Variants in SLC9A2 observed in about 807,000 individuals in gnomAD.
SLC9A2 encodes the protein solute carrier family 9 member A2.
A neutral mutation model predicts 71.7 loss-of-function variants in SLC9A2; 42 were observed. That is an observed-to-expected ratio of 0.59 (90% CI 0.46 to 0.76). The LOEUF is 0.76. SLC9A2 is among the 30% of genes least tolerant of loss of function. The probability of loss-of-function intolerance (pLI) is 0.00; values close to 1 mark genes in which losing one functional copy is unlikely to be tolerated. For synonymous variants in SLC9A2, 396 were observed against 392.5 expected (o/e 1.01, Z -0.10); for missense variants, 829 against 1,017.4 (o/e 0.81, Z 2.52).
At chr2:102,658,964 C>T (rs191782207) in intron 2 of SLC9A2, among the ~76,000 whole-genome samples, 1 of 152,214 alleles carries the variant, frequency 6.6e-6, no homozygotes, top group African/African-American at 2.4e-5. Context: ...TGAATGCTCA[C>T]TTTGTGCTCA....
intron 3 of SLC9A2, among the ~76,000 whole-genome samples, chr2:102,668,042 C>G (rs1460268933): frequency 1.3e-5 from 2 of 151,884 alleles, no homozygotes; most frequent in Admixed American, 6.6e-5. Flanking sequence ...CCACTGCCCT[C>G]CAGCCCAGAC....
chr2:102,628,999 CTATT>C (rs1279567333), intron 1 of SLC9A2, among the ~76,000 whole-genome samples: 5 of 152,002 alleles, frequency 3.3e-5, no homozygotes, highest in African/African-American at 4.8e-5. Flanking sequence ...TGTGTATTCT[CTATT>C]TATTGTGTAC....
chr2:102,638,851 A>T (rs1347881974), intron 1 of SLC9A2, among the ~76,000 whole-genome samples: 1 of 152,234 alleles, frequency 6.6e-6, no homozygotes, highest in African/African-American at 2.4e-5. Context: ...CAAAATAAAA[A>T]CTTTTAAAAC....
Position 102,661,774 on chromosome 2 carries a change from A to C in SLC9A2, c.754-3326A>C, listed in dbSNP as rs559143106. Reference sequence around the variant, plus strand: ...AGTACATAGGTATCACTGACATTTTAATCTAAGGATAAAGTGTCAAGGGGA... The same window carrying C: ...AGTACATAGGTATCACTGACATTTTCATCTAAGGATAAAGTGTCAAGGGGA... On this transcript the variant is annotated intron_variant, in intron 2 of 11. Transcript: ENST00000233969. 1.6e-4 allele frequency among the ~76,000 whole-genome samples: 24 copies of C among 152,346 alleles called. No homozygotes were observed. In the South Asian group the frequency reaches 4.8e-3, roughly 30 times the overall value.
intron 1 of SLC9A2, among the ~76,000 whole-genome samples, chr2:102,645,182 A>G (rs1243868984): frequency 2.0e-5 from 3 of 152,154 alleles, no homozygotes; most frequent in Non-Finnish European, 2.9e-5. Flanking sequence ...CCTCCAGCAA[A>G]CTCCAACAGA....
intron 1 of SLC9A2, among the ~76,000 whole-genome samples, chr2:102,648,569 T>C (rs1380547064): frequency 1.3e-5 from 2 of 152,184 alleles, no homozygotes; most frequent in Non-Finnish European, 2.9e-5. Context: ...TGTTTGCAGA[T>C]GACATGATTG....
chr2:102,694,989 A>C (rs1677727557), intron 6 of SLC9A2, 54 bp from the exon 7 acceptor site: 2 of 1,468,456 alleles, frequency 1.4e-6, no homozygotes, highest in Admixed American at 1.7e-5. Flanking sequence ...AGTAGAGTGA[A>C]AATTATTGAT....
Position 102,705,894 on chromosome 2 carries a change from C to T in SLC9A2, c.2026C>T (p.Leu676Phe). Residue 676 changes from leucine to phenylalanine, a missense_variant, in exon 11 of 12, where the codon CTT (leucine) becomes TTT (phenylalanine). Coordinates refer to ENST00000233969, the MANE Select transcript of SLC9A2 (RefSeq NM_003048.6). Reference sequence around the variant, plus strand: ...TTTATCCTTACCTAAAAATACGAAGCTTCCAGAAAAGCTACAAAAGAGGAG... The same window carrying T: ...TTTATCCTTACCTAAAAATACGAAGTTTCCAGAAAAGCTACAAAAGAGGAG... ...RYLSLPKNTKLPEKLQKRRTI... is the reference protein window; with the variant it reads ...RYLSLPKNTKFPEKLQKRRTI... 1 of 1,606,804 alleles carries T rather than the reference C, an allele frequency of 6.2e-7. No homozygotes were observed. Among genetic ancestry groups the T allele is most frequent in the Non-Finnish European group, 8.5e-7 (1 of 1,176,720 alleles).
chr2:102,708,517 T>G lies in SLC9A2; in HGVS notation c.*28T>G. ...GAAGCAGCGAAAGCAGATCTGAGTGTCTGACCCAGGACAGCTGTGGTTTGT... is the reference window on the plus strand; with the variant it reads ...GAAGCAGCGAAAGCAGATCTGAGTGGCTGACCCAGGACAGCTGTGGTTTGT... On this transcript the variant is annotated 3_prime_UTR_variant, in exon 12 of 12. Transcript: ENST00000233969. 2 of 1,599,938 alleles carry G rather than the reference T, an allele frequency of 1.3e-6. No individual in the cohort carries two copies. Among genetic ancestry groups the G allele is most frequent in the Non-Finnish European group, 1.7e-6 (2 of 1,172,716 alleles).
chr2:102,662,104 C>G (rs1677060941), intron 2 of SLC9A2, among the ~76,000 whole-genome samples: 1 of 152,172 alleles, frequency 6.6e-6, no homozygotes, highest in South Asian at 2.1e-4. Context: ...AGCTCTGACA[C>G]TGCCGTGGCA....
chr2:102,649,154 C>G (rs918292930), intron 1 of SLC9A2, among the ~76,000 whole-genome samples: 1 of 152,120 alleles, frequency 6.6e-6, no homozygotes, highest in Non-Finnish European at 1.5e-5. Flanking sequence ...GAACAGAGGC[C>G]TCAGAAATAA....
intron 3 of SLC9A2, among the ~76,000 whole-genome samples, chr2:102,676,887 A>G (rs1677354832): frequency 6.6e-6 from 1 of 152,264 alleles, no homozygotes; most frequent in Non-Finnish European, 1.5e-5. Flanking sequence ...CAAAGCCTTA[A>G]TTGAGAATAT....
chr2:102,682,399 G>A (rs1677470340), intron 3 of SLC9A2, among the ~76,000 whole-genome samples: 1 of 152,188 alleles, frequency 6.6e-6, no homozygotes, highest in South Asian at 2.1e-4. Context: ...GAGGCACATG[G>A]TGTGTGCCGG....
intron 7 of SLC9A2, among the ~76,000 whole-genome samples, chr2:102,695,921 G>A (rs1213484152): frequency 1.3e-5 from 2 of 150,394 alleles, no homozygotes; most frequent in Non-Finnish European, 2.9e-5. Flanking sequence ...GCTCTGTGTT[G>A]GATAAATACA....
At chr2:102,691,209 G>A (rs1677655300) in intron 5 of SLC9A2, among the ~76,000 whole-genome samples, 1 of 152,176 alleles carries the variant, frequency 6.6e-6, no homozygotes, top group African/African-American at 2.4e-5. Flanking sequence ...TAGTATGTAT[G>A]CCAAAGTGAA....
intron 1 of SLC9A2, among the ~76,000 whole-genome samples, chr2:102,637,933 C>T (rs188912019): frequency 5.3e-5 from 8 of 152,348 alleles, no homozygotes; most frequent in South Asian, 2.1e-4. Context: ...GGAGGGGTTA[C>T]GGGGAGCAAG....
chr2:102,634,106 C>G (rs1676424329), intron 1 of SLC9A2, among the ~76,000 whole-genome samples: 1 of 151,920 alleles, frequency 6.6e-6, no homozygotes, highest in Non-Finnish European at 1.5e-5. Flanking sequence ...TGGAGAAACT[C>G]TTTTTTTTCA....
At chr2:102,690,584 A>G (rs2104545422) in intron 5 of SLC9A2, among the ~76,000 whole-genome samples, 1 of 152,292 alleles carries the variant, frequency 6.6e-6, no homozygotes, top group East Asian at 1.9e-4. Flanking sequence ...AAGCTGGAGT[A>G]TAGGGGAGAG....
intron 2 of SLC9A2, among the ~76,000 whole-genome samples, chr2:102,658,853 T>C (rs905359482): frequency 6.6e-6 from 1 of 152,170 alleles, no homozygotes; most frequent in African/African-American, 2.4e-5. Flanking sequence ...ACTCAAGTGA[T>C]GCTCAATTGA....
Sources: allele counts gnomAD v4.1 joint callset (sites outside exome capture counted in the v4.1 genomes callset), GRCh38; gene constraint gnomAD v4.1.1; transcripts MANE v1.5; gene names NCBI Gene and HGNC (gene_info 2026-07-23, HGNC 2026-07-21).